MASTL: variants seen among roughly 807,000 people sequenced by gnomAD.
MASTL encodes microtubule associated serine/threonine kinase like, also known as serine/threonine-protein kinase greatwall.
In MASTL, 54 loss-of-function variants were observed where a neutral mutation model predicts 82.5. The observed-to-expected ratio is 0.65, with a 90% CI of 0.53 to 0.82. The LOEUF is 0.82. Among genes scored for constraint, MASTL ranks in the 40% least tolerant of loss-of-function variants. MASTL has a pLI of 0.00. For missense variants in MASTL, 950 were observed against 1,047.8 expected, an observed-to-expected ratio of 0.91 and a Z score of 1.29; for synonymous variants, 323 against 368.9, an observed-to-expected ratio of 0.88 and a Z score of 1.43.
In MASTL at chr10:27,187,784, G is replaced by A. The variant is rs2058857959; in HGVS notation, c.*1248G>A. Reference sequence around the variant, plus strand: ...AAAAAAATACTACTGGAACAATTAGGTGTGATATAATGTAGCAATTTGAAT... The same window carrying A: ...AAAAAAATACTACTGGAACAATTAGATGTGATATAATGTAGCAATTTGAAT... On this transcript the variant is annotated 3_prime_UTR_variant, in exon 12 of 12. Transcript: ENST00000375940. 6.6e-6 allele frequency among the ~76,000 whole-genome samples: 1 copy of A among 151,942 alleles called. No homozygotes were observed. The highest frequency in any genetic ancestry group is 1.5e-5 in the Non-Finnish European group (1 of 67,998).
rs952196224 is a variant in MASTL, at chr10:27,159,099, T to C, written c.324+413T>C. Among the ~76,000 whole-genome samples, 4 of 152,168 alleles carry C rather than the reference T, an allele frequency of 2.6e-5. No homozygotes were observed. Among genetic ancestry groups the C allele is most frequent in the African/African-American group, 9.7e-5 (4 of 41,440 alleles). On this transcript the variant is annotated intron_variant, in intron 2 of 11. Coordinates refer to ENST00000375940, the MANE Select transcript of MASTL (RefSeq NM_001172303.3). The surrounding 1 kb of genome is among the most constrained non-coding windows in gnomAD (Gnocchi z 4.0). ...ATGCAGCTAGCTAATAGAGATACCA[T>C]TGCACATAATTGCACCCCAGCCTGA...
intron 6 of MASTL, 78 bp downstream of exon 6, chr10:27,165,617 ATTTCTTTCTTT>A: frequency 6.7e-7 from 1 of 1,497,896 alleles, no homozygotes; most frequent in Non-Finnish European, 9.2e-7. Flanking sequence ...CTGAGGCAGG[ATTTCTTTCTTT>A]TTGAGACGGA....
rs768144021 is a variant in MASTL, at chr10:27,155,498, C to T, written c.72C>T (p.Ile24=). The change falls in exon 1 of 12, where the codon ATC becomes ATT. Residue 24 remains isoleucine (I), a synonymous_variant. Coordinates refer to ENST00000375940, the MANE Select transcript of MASTL (RefSeq NM_001172303.3). Reference sequence around the variant, plus strand: ...CGACTGAGGAGGGCGTGAATAGGATCGCAGTGCCAAAACCGCCCTCCATTG... The same window carrying T: ...CGACTGAGGAGGGCGTGAATAGGATTGCAGTGCCAAAACCGCCCTCCATTG... The part of the protein sequence containing the change: ...GAATEEGVNR[I]AVPKPPSIEE... 20 of 1,614,050 alleles carry T rather than the reference C, an allele frequency of 1.2e-5. No homozygotes were observed. The highest frequency in any genetic ancestry group is 1.6e-5 in the Non-Finnish European group (19 of 1,180,018).
chr10:27,155,201 G>A (rs566954562), upstream of MASTL: 418 of 578,884 alleles, frequency 7.2e-4, no homozygotes, highest in African/African-American at 7.4e-3. Context: ...GATGTCAGTG[G>A]GGCCGCGGTC....
chr10:27,159,812 A>T lies in MASTL; in HGVS notation c.464+54A>T. 1.4e-6 allele frequency: 2 copies of T among 1,457,872 alleles called. No individual in the cohort carries two copies. Among genetic ancestry groups the T allele is most frequent in the African/African-American group, 1.4e-5 (1 of 71,988 alleles). The allele number at this position is 1,457,872 out of a possible 1,614,324, so 90.3% of individuals were successfully genotyped here. On this transcript the variant is annotated intron_variant, in intron 3 of 11. Coordinates refer to ENST00000375940, the MANE Select transcript of MASTL (RefSeq NM_001172303.3). The surrounding 1 kb of genome is among the most constrained non-coding windows in gnomAD (Gnocchi z 4.0). ...TTAAAAATTCAAGTAATCAAATTAC[A>T]TATTTGAGTCTCAGATATTCACAGT...
rs2057316932 is a variant in MASTL, at chr10:27,155,359, ACCCAGTTGGCGGGAG to A, written c.-67_-53del. On this transcript the variant is annotated 5_prime_UTR_variant, in exon 1 of 12. It adds an upstream start codon to the 5' untranslated region. Transcript: ENST00000375940. ...CGGCGTGGGCGGAGCCTCACTTTGAACCCAGTTGGCGGGAGTGGCTGCTCGCGGAGGGGCAGTGTC... is the reference window on the plus strand; with the variant it reads ...CGGCGTGGGCGGAGCCTCACTTTGAATGGCTGCTCGCGGAGGGGCAGTGTC... 6.7e-7 allele frequency: 1 copy of A among 1,483,716 alleles called. No homozygotes were observed. The highest frequency in any genetic ancestry group is 2.0e-5 in the Admixed American group (1 of 49,148). The allele number at this position is 1,483,716 out of a possible 1,614,324, so 91.9% of individuals were successfully genotyped here.
intron 9 of MASTL, among the ~76,000 whole-genome samples, chr10:27,175,050 G>T (rs1255161112): frequency 6.6e-6 from 1 of 151,554 alleles, no homozygotes; most frequent in East Asian, 1.9e-4. Context: ...TTTATCCTCA[G>T]CCTGAAAATA....
chr10:27,160,429 T>C (rs2135977491), intron 3 of MASTL, among the ~76,000 whole-genome samples: 1 of 152,180 alleles, frequency 6.6e-6, no homozygotes, highest in East Asian at 1.9e-4. Context: ...AAGTGACTTA[T>C]TAAATCTCAA....
rs16927590 is a variant in MASTL at position 27,158,836 on chromosome 10, G to A, written c.324+150G>A. On this transcript the variant is annotated intron_variant, in intron 2 of 11. Coordinates refer to ENST00000375940, the MANE Select transcript of MASTL (RefSeq NM_001172303.3). Reference sequence around the variant, plus strand: ...GCAAATTTACCTGTTATATTAGTTAGAGTTCTCCAAAGAAAAAGAACCAAT... The same window carrying A: ...GCAAATTTACCTGTTATATTAGTTAAAGTTCTCCAAAGAAAAAGAACCAAT... The A allele has an allele frequency of 0.03, 24,018 of 792,330 alleles. 3,563 individuals are homozygous for A. In the African/African-American group the frequency reaches 0.34, roughly 11 times the overall value. The allele number at this position is 792,330 out of a possible 1,614,324, so 49.1% of individuals were successfully genotyped here. A position where few individuals can be genotyped will look rare whatever the true frequency, so the allele number is the denominator to read the frequency against.
chr10:27,155,080 CG>C (rs886046953), upstream of MASTL: 13 of 294,312 alleles, frequency 4.4e-5, no homozygotes, highest in East Asian at 1.0e-3. Context: ...CCACCAGCCT[CG>C]TTGGGAAGCC....
chr10:27,162,929 G>C (rs2057618941), intron 4 of MASTL, among the ~76,000 whole-genome samples: 1 of 151,930 alleles, frequency 6.6e-6, no homozygotes, highest in Non-Finnish European at 1.5e-5. Context: ...TTGTTTGTTT[G>C]TTTTGGGATG....
rs542984552 is a variant in MASTL at position 27,160,288 on chromosome 10, C to T, written c.464+530C>T. ...CTACGATTACAGGCATGAGCTACCACGGCCCATTAAGTATGGCATTTTATG... is the reference window on the plus strand; with the variant it reads ...CTACGATTACAGGCATGAGCTACCATGGCCCATTAAGTATGGCATTTTATG... On this transcript the variant is annotated intron_variant, in intron 3 of 11. Transcript: ENST00000375940. 4.0e-5 allele frequency among the ~76,000 whole-genome samples: 6 copies of T among 150,500 alleles called. No homozygotes were observed. The East Asian group carries it at 1.2e-3, about 29-fold the overall frequency.
chr10:27,187,320 A>G lies in MASTL; in HGVS notation c.*784A>G, dbSNP rs2058826234. On this transcript the variant is annotated 3_prime_UTR_variant, in exon 12 of 12. Transcript: ENST00000375940. ...GTCTCAAAAAAATAAAGGCAGCTGG[A>G]AAATTCCTTCACTTAGTAACTCCTT... Among the ~76,000 whole-genome samples, 1 of 152,064 alleles carries G rather than the reference A, an allele frequency of 6.6e-6. No homozygotes were observed. Among genetic ancestry groups the G allele is most frequent in the Admixed American group, 6.5e-5 (1 of 15,280 alleles).
At chr10:27,173,548 T>C (rs997432578) in intron 9 of MASTL, among the ~76,000 whole-genome samples, 3 of 152,120 alleles carry the variant, frequency 2.0e-5, no homozygotes, top group Non-Finnish European at 2.9e-5. Context: ...ACCCTTGATA[T>C]TATCTTATCT....
At chr10:27,185,123 G>C (rs1353518515) in intron 11 of MASTL, among the ~76,000 whole-genome samples, 3 of 152,178 alleles carry the variant, frequency 2.0e-5, no homozygotes, top group Non-Finnish European at 2.9e-5. Context: ...GAAGGATAAG[G>C]ATGGAGCACA....
At chr10:27,156,830 T>TC (rs1491527307) in intron 1 of MASTL, among the ~76,000 whole-genome samples, 1 of 8,830 alleles carries the variant, frequency 1.1e-4, no homozygotes, top group Non-Finnish European at 2.4e-4. Context: ...CTGCTATGAA[T>TC]TTTTTTTTTT....
At chr10:27,176,157 T>C (rs545630106) in intron 9 of MASTL, among the ~76,000 whole-genome samples, 43 of 152,068 alleles carry the variant, frequency 2.8e-4, no homozygotes, top group African/African-American at 9.6e-4. Flanking sequence ...CTCTGTTCCC[T>C]ACCTCAGTTT....
Position 27,155,673 on chromosome 10 carries a change from C to T in MASTL, c.186+61C>T, listed in dbSNP as rs2057338799. 3.8e-6 allele frequency: 6 copies of T among 1,585,922 alleles called. No individual in the cohort carries two copies. The East Asian group carries it at 1.4e-4, about 36-fold the overall frequency. On this transcript the variant is annotated intron_variant, in intron 1 of 11. Transcript: ENST00000375940. ...CCCTTCGGCCCTCCTTCCTGCCCCA[C>T]CGGCTTGGGCAGGCCCCGGGGTTGC...
At chr10:27,174,858 A>G (rs1360541636) in intron 9 of MASTL, among the ~76,000 whole-genome samples, 2 of 152,172 alleles carry the variant, frequency 1.3e-5, no homozygotes, top group Non-Finnish European at 2.9e-5. Flanking sequence ...ATTTTTAGGT[A>G]CGGGTTAGGA....
Sources: gnomAD v4.1 joint callset for allele counts (sites outside exome capture counted in the v4.1 genomes callset) on GRCh38, gnomAD v4.1.1 for gene constraint, Gnocchi (gnomAD v3.1) non-coding constraint, MANE v1.5 for transcripts, NCBI Gene and HGNC (gene_info 2026-07-23, HGNC 2026-07-21) for gene names.